Variants in STPG2 observed in about 807,000 individuals in gnomAD.
STPG2 encodes sperm tail PG-rich repeat containing 2, also known as sperm-tail PG-rich repeat-containing protein 2.
In STPG2, 56 loss-of-function variants were observed where a neutral mutation model predicts 54.2. The observed-to-expected ratio is 1.03, with a 90% CI of 0.83 to 1.29. The LOEUF (loss-of-function observed/expected upper bound fraction) is 1.29, where lower values mean the gene tolerates loss of function less well. STPG2 is among the 50% of genes most tolerant of loss of function. The probability of loss-of-function intolerance (pLI) is 0.00; values close to 1 mark genes in which losing one functional copy is unlikely to be tolerated. For missense variants in STPG2, 596 were observed against 544.9 expected (o/e 1.09, Z -0.93); for synonymous variants, 200 against 181.8 (o/e 1.10, Z -0.81).
intron 7 of STPG2, among the ~76,000 whole-genome samples, chr4:97,952,899 C>T (rs1056454697): frequency 1.3e-5 from 2 of 152,136 alleles, no homozygotes; most frequent in African/African-American, 4.8e-5. Flanking sequence ...CTTGGAGATA[C>T]TGTAATGCAT....
At chr4:97,447,097 G>A (rs568948249) in intron 4 of STPG2, among the ~76,000 whole-genome samples, 41 of 152,246 alleles carry the variant, frequency 2.7e-4, no homozygotes, top group Non-Finnish European at 5.9e-5. Flanking sequence ...AGGCTGAAGT[G>A]GTCTCATATG....
chr4:97,559,965 T>C (rs968599762), intron 10 of STPG2, among the ~76,000 whole-genome samples: 3 of 152,184 alleles, frequency 2.0e-5, no homozygotes, highest in African/African-American at 7.2e-5. Context: ...CTGATGCAAG[T>C]CATTTGTCCT....
intron 4 of STPG2, among the ~76,000 whole-genome samples, chr4:97,471,400 A>C (rs960075503): frequency 6.6e-6 from 1 of 152,190 alleles, no homozygotes; most frequent in Non-Finnish European, 1.5e-5. Context: ...TCTCTAGTTG[A>C]AACAATAAAA....
chr4:98,089,081 G>A (rs1292001629), intron 5 of STPG2, among the ~76,000 whole-genome samples: 1 of 151,492 alleles, frequency 6.6e-6, no homozygotes, highest in Non-Finnish European at 1.5e-5. Context: ...AATAGTTTTT[G>A]GAGTACAGAT....
At chr4:97,451,629 A>T (rs985677792) in intron 4 of STPG2, among the ~76,000 whole-genome samples, 7 of 152,220 alleles carry the variant, frequency 4.6e-5, no homozygotes, top group African/African-American at 9.6e-5. Flanking sequence ...GAAGGAAATA[A>T]GATCTAAAGT....
chr4:98,059,959 C>T (rs1473926138), intron 5 of STPG2, among the ~76,000 whole-genome samples: 3 of 152,116 alleles, frequency 2.0e-5, no homozygotes, highest in Non-Finnish European at 2.9e-5. Context: ...CAATATTATA[C>T]TGAATAGGCA....
chr4:97,793,143 CAA>C (rs1390734483), intron 9 of STPG2, among the ~76,000 whole-genome samples: 1 of 150,440 alleles, frequency 6.6e-6, no homozygotes, highest in Non-Finnish European at 1.5e-5. Flanking sequence ...GACACCATCT[CAA>C]AAAAAAAGTC....
At chr4:97,544,718 G>C (rs1731796814) in intron 4 of STPG2, among the ~76,000 whole-genome samples, 1 of 152,036 alleles carries the variant, frequency 6.6e-6, no homozygotes, top group Non-Finnish European at 1.5e-5. Flanking sequence ...AGGTGACATA[G>C]TGCCTAATCT....
At chr4:97,668,202 A>G (rs1203270567) in intron 10 of STPG2, among the ~76,000 whole-genome samples, 1 of 152,146 alleles carries the variant, frequency 6.6e-6, no homozygotes, top group African/African-American at 2.4e-5. Flanking sequence ...AAGGTATTCA[A>G]GGCAACAGGC....
chr4:97,593,112 C>T (rs1025379461), intron 10 of STPG2, among the ~76,000 whole-genome samples: 1 of 152,138 alleles, frequency 6.6e-6, no homozygotes, highest in African/African-American at 2.4e-5. Flanking sequence ...ACACCTATTG[C>T]AGTGCAGCCT....
At chr4:97,956,882 C>CA (rs1269141056) in intron 7 of STPG2, among the ~76,000 whole-genome samples, 1 of 152,024 alleles carries the variant, frequency 6.6e-6, no homozygotes, top group Non-Finnish European at 1.5e-5. Flanking sequence ...GAGAAGGAAC[C>CA]AAAATCCCAA....
chr4:97,873,867 C>T (rs1453669016), intron 8 of STPG2, among the ~76,000 whole-genome samples: 1 of 151,434 alleles, frequency 6.6e-6, no homozygotes, highest in African/African-American at 2.4e-5. Flanking sequence ...TAGCCTTGGG[C>T]TTTAATAAGT....
At chr4:98,107,467 G>A (rs867796226) in intron 4 of STPG2, among the ~76,000 whole-genome samples, 9 of 151,692 alleles carry the variant, frequency 5.9e-5, no homozygotes, top group African/African-American at 2.2e-4. Flanking sequence ...CATTTCTTCA[G>A]GTTAAAACAC....
chr4:97,635,849 G>C (rs1415977676), intron 10 of STPG2, among the ~76,000 whole-genome samples: 1 of 151,710 alleles, frequency 6.6e-6, no homozygotes, highest in African/African-American at 2.4e-5. Context: ...GGCAAGTCCT[G>C]AGTGACCGAC....
chr4:97,681,570 C>T (rs73834145), intron 10 of STPG2, among the ~76,000 whole-genome samples: 2,710 of 151,842 alleles, frequency 0.018, 78 homozygotes, highest in African/African-American at 0.062. Context: ...AATGATAGCA[C>T]GACAGGGGAA....
chr4:97,631,697 T>G (rs1721285501), intron 10 of STPG2, among the ~76,000 whole-genome samples: 1 of 152,004 alleles, frequency 6.6e-6, no homozygotes, highest in Admixed American at 6.6e-5. Context: ...GCCACCATAT[T>G]AAAGGAACAA....
chr4:97,707,840 T>A (rs1014514665), intron 10 of STPG2, among the ~76,000 whole-genome samples: 1 of 152,054 alleles, frequency 6.6e-6, no homozygotes, highest in Non-Finnish European at 1.5e-5. Context: ...AAAGAAAATA[T>A]AAAGGCATTA....
intron 8 of STPG2, among the ~76,000 whole-genome samples, chr4:97,927,961 A>G (rs1326466517): frequency 6.6e-6 from 1 of 152,176 alleles, no homozygotes; most frequent in Non-Finnish European, 1.5e-5. Flanking sequence ...ATTAAATGAA[A>G]GTGAAATATA....
rs1732939325 is a variant in STPG2, at chr4:97,584,401, A to C, written c.1321-25284T>G. ...AAAAGTGGTGTAAAGAGGAAAGTTC[A>C]TAGCATTAAATACCTACATCAAAAA... On this transcript the variant is annotated intron_variant, in intron 10 of 10. Coordinates refer to ENST00000295268, the MANE Select transcript of STPG2 (RefSeq NM_174952.3). Among the ~76,000 whole-genome samples the C allele has an allele frequency of 2.6e-5, 4 of 152,170 alleles. No homozygotes were observed. In the South Asian group the frequency reaches 8.3e-4, roughly 31 times the overall value.
Sources: allele counts gnomAD v4.1 joint callset (sites outside exome capture counted in the v4.1 genomes callset), GRCh38; gene constraint gnomAD v4.1.1; transcripts MANE v1.5; gene names NCBI Gene and HGNC (gene_info 2026-07-23, HGNC 2026-07-21).